Variants in CAMTA2 observed in about 807,000 individuals in gnomAD.
The protein encoded by CAMTA2 is calmodulin-binding transcription activator 2.
A neutral mutation model predicts 135.7 loss-of-function variants in CAMTA2; 56 were observed. The observed-to-expected ratio is 0.41, with a 90% CI of 0.33 to 0.52. CAMTA2 has a LOEUF of 0.52. CAMTA2 is among the 20% of genes least tolerant of loss of function. The probability of loss-of-function intolerance (pLI) is 0.16; values close to 1 mark genes in which losing one functional copy is unlikely to be tolerated. For missense variants in CAMTA2, 1,358 were observed against 1,553.4 expected (o/e 0.87, Z 2.11); for synonymous variants, 591 against 604.6 (o/e 0.98, Z 0.33).
chr17:4,979,893 C>A lies in CAMTA2; in HGVS notation c.1429G>T (p.Glu477Ter). 1.2e-6 allele frequency: 2 copies of A among 1,613,238 alleles called. No homozygotes were observed. Among genetic ancestry groups the A allele is most frequent in the Non-Finnish European group, 1.7e-6 (2 of 1,179,742 alleles). Residue 477 changes from glutamate (E) to a stop codon, truncating the protein, a stop_gained, in exon 9 of 23, where the codon GAG (glutamate) becomes TAG (stop). Transcript: ENST00000348066. LOFTEE classifies it high-confidence loss of function. ...PSPPPSPAPL[E>*]PSSRVGRGEA... is the part of the protein sequence containing the mutation. ...CCTCTTCCTACCCTGCTTGACGGCT[C>A]CAAGGGGGCAGGTGAGGGTGGGGGT...
rs533811188 is a variant in CAMTA2, at chr17:4,986,215, G to C, written c.8C>G (p.Thr3Ser). 2 of 1,606,490 alleles carry C rather than the reference G, an allele frequency of 1.2e-6. No homozygotes were observed. Among genetic ancestry groups the C allele is most frequent in the Admixed American group, 1.7e-5 (1 of 59,992 alleles). Residue 3 changes from threonine (T) to serine (S), a missense_variant, in exon 2 of 23, where the codon ACC becomes AGC. Transcript: ENST00000348066. ...ACCAGCAACCTCGGTGGTGTCCTTG[G>C]TATTCATGGTGAGGGCTCCAGGGGG... The part of the protein sequence containing the change: MN[T>S]KDTTEVAENS...
intron 22 of CAMTA2, 41 bp downstream of exon 22, chr17:4,968,866 G>A (rs754574318): frequency 1.2e-6 from 2 of 1,611,932 alleles, no homozygotes; most frequent in Admixed American, 1.7e-5. Flanking sequence ...GGATCACGAC[G>A]GGTGGCAACG....
At chr17:4,986,811 G>A (rs1973359270) in intron 1 of CAMTA2, 1 of 659,894 alleles carries the variant, frequency 1.5e-6, no homozygotes, top group Non-Finnish European at 2.7e-6. Flanking sequence ...CTCTCCTCCA[G>A]GTTGGTTAGG....
rs1280722759 is a variant in CAMTA2, at chr17:4,972,954, A to T, written c.2318T>A (p.Val773Glu). ...CTGTCGGTTCCAACGGAAAAGGAGC[A>T]CAGCAGCTTCCAGGTGTCCCAGGGC... ...ACALGHLEAAVLLFRWNRQAL... is the reference protein window; with the variant it reads ...ACALGHLEAAELLFRWNRQAL... The change falls in exon 15 of 23, where the codon GTG (valine) becomes GAG (glutamate). Residue 773 changes from valine (V) to glutamate (E), a missense_variant. Physicochemically the swap from Val to Glu is moderately radical, Grantham distance 121 (BLOSUM62 -2). This residue lies in a region of CAMTA2 where 1,077 missense variants were observed against 1,127.5 expected (regional missense o/e 0.96). Coordinates refer to ENST00000348066, the MANE Select transcript of CAMTA2 (RefSeq NM_015099.4). The T allele has an allele frequency of 6.2e-7, 1 of 1,613,548 alleles. No individual in the cohort carries two copies. Among genetic ancestry groups the T allele is most frequent in the East Asian group, 2.2e-5 (1 of 44,882 alleles).
intron 1 of CAMTA2, chr17:4,987,381 C>T: frequency 7.3e-7 from 1 of 1,366,960 alleles, no homozygotes; most frequent in South Asian, 1.7e-5. Flanking sequence ...GTGCGGGGGT[C>T]TCCGGGACAG....
At chr17:4,984,448 T>C (rs950673161) in intron 3 of CAMTA2, among the ~76,000 whole-genome samples, 1 of 152,202 alleles carries the variant, frequency 6.6e-6, no homozygotes, top group East Asian at 1.9e-4. Context: ...CACCTCTCCA[T>C]ATCTGGAAAT....
chr17:4,985,327 CG>C (rs1555563222), intron 3 of CAMTA2, among the ~76,000 whole-genome samples: 1 of 152,240 alleles, frequency 6.6e-6, no homozygotes, highest in Non-Finnish European at 1.5e-5. Flanking sequence ...ATGTTTAGCA[CG>C]GTGCCCAGTA....
chr17:4,978,705 T>TG, intron 9 of CAMTA2, 75 bp from the exon 10 acceptor site: 1 of 1,529,654 alleles, frequency 6.5e-7, no homozygotes, highest in Non-Finnish European at 8.9e-7. Flanking sequence ...ATTCAGACCC[T>TG]TACAGGGTAT....
chr17:4,975,062 A>G (rs1207750915), intron 11 of CAMTA2, among the ~76,000 whole-genome samples: 1 of 151,994 alleles, frequency 6.6e-6, no homozygotes, highest in Non-Finnish European at 1.5e-5. Context: ...AGCCATGTCC[A>G]TTTCTCCTCC....
At position 4,968,088 on chromosome 17, in the gene CAMTA2, C is replaced by A; in HGVS notation, c.*668G>T. On this transcript the variant is annotated 3_prime_UTR_variant, in exon 23 of 23. Transcript: ENST00000348066. ...GAGCCGGCAGGAGGCCCCCGCCGCG[C>A]TAGAGAACCACAAGCCCGGCCGTGC... 2.0e-6 allele frequency: 1 copy of A among 501,178 alleles called. No homozygotes were observed. The highest frequency in any genetic ancestry group is 3.6e-6 in the Non-Finnish European group (1 of 279,246). 31.0% of individuals were successfully genotyped at this position (501,178 alleles called of 1,614,324 possible).
intron 1 of CAMTA2, 172 bp downstream of exon 1, chr17:4,987,421 C>T: frequency 7.2e-7 from 1 of 1,385,076 alleles, no homozygotes. Context: ...CGCCGTGGGG[C>T]CCTGCGGTGA....
rs769094433 is a variant in CAMTA2, at chr17:4,981,665, C to G, written c.565+13G>C. 5.7e-6 allele frequency: 9 copies of G among 1,583,136 alleles called. No individual in the cohort carries two copies. In the South Asian group the frequency reaches 1.0e-4, roughly 18 times the overall value. ...TCTCCCCTTGGAGCTCTATCCCCAC[C>G]CTGCTGCCTTACACATGGGCTTCAG... On this transcript the variant is annotated intron_variant, in intron 7 of 22. Coordinates refer to ENST00000348066, the MANE Select transcript of CAMTA2 (RefSeq NM_015099.4).
chr17:4,971,879 G>A (rs898498561), intron 16 of CAMTA2, among the ~76,000 whole-genome samples: 1 of 151,930 alleles, frequency 6.6e-6, no homozygotes, highest in African/African-American at 2.4e-5. Context: ...TGTAGAGAGG[G>A]GGTTTCGCCA....
chr17:4,985,673 C>A (rs1973231751), intron 3 of CAMTA2, among the ~76,000 whole-genome samples: 2 of 152,194 alleles, frequency 1.3e-5, no homozygotes, highest in Admixed American at 6.5e-5. Context: ...ATCCACCCGC[C>A]TCAGCCTCCC....
Position 4,969,564 on chromosome 17 carries a change from G to T in CAMTA2, c.3262-44C>A, listed in dbSNP as rs192991495. 1.7e-3 allele frequency: 2,823 copies of T among 1,613,986 alleles called. 5 individuals carry two copies. Among genetic ancestry groups the T allele is most frequent in the South Asian group, 2.3e-3 (208 of 91,076 alleles). ...GAGTTAGGGCTCTGGCAACATTCTG[G>T]AATGGTTAGGCGTGGGTGTGGGTTG... On this transcript the variant is annotated intron_variant, in intron 19 of 22. Coordinates refer to ENST00000348066, the MANE Select transcript of CAMTA2 (RefSeq NM_015099.4). This position sits in a 1 kb window ranked among gnomAD's most constrained non-coding sequence, Gnocchi z 5.6.
At chr17:4,979,439 G>A (rs2151184432) in intron 9 of CAMTA2, 1 of 309,852 alleles carries the variant, frequency 3.2e-6, no homozygotes, top group South Asian at 7.0e-5. Context: ...GAACCCGGGA[G>A]GCGGAGGTTG....
chr17:4,976,936 G>GAAA, intron 11 of CAMTA2, 122 bp downstream of exon 11: 1 of 800,916 alleles, frequency 1.2e-6, no homozygotes, highest in Non-Finnish European at 1.8e-6. Context: ...AATAGGAATT[G>GAAA]AAAAAAAAAA....
In CAMTA2 at chr17:4,987,557, G is replaced by C. The variant is rs1332698878; in HGVS notation, c.-65+36C>G. ...TGGAGGAGCTGCGCCCTCTGGCGCG[G>C]GGGCGGAGAGGCGGGCGAGAGGCCC... On this transcript the variant is annotated intron_variant, in intron 1 of 22. Coordinates refer to ENST00000348066, the MANE Select transcript of CAMTA2 (RefSeq NM_015099.4). 3.5e-5 allele frequency: 53 copies of C among 1,507,554 alleles called. 1 individual carries two copies. The East Asian group carries it at 1.3e-3, about 38-fold the overall frequency. 93.4% of individuals were successfully genotyped at this position (1,507,554 alleles called of 1,614,324 possible). A position where few individuals can be genotyped will look rare whatever the true frequency, so the allele number is the denominator to read the frequency against.
chr17:4,986,658 G>C (rs921209568), intron 1 of CAMTA2, among the ~76,000 whole-genome samples: 6 of 152,144 alleles, frequency 3.9e-5, no homozygotes, highest in Admixed American at 1.3e-4. Flanking sequence ...GGATGGTTTG[G>C]CAAGAGAGCC....
Sources: gnomAD v4.1 joint callset for allele counts (sites outside exome capture counted in the v4.1 genomes callset) on GRCh38, gnomAD v4.1.1 for gene constraint, gnomAD v4.1.1 regional missense constraint, Gnocchi (gnomAD v3.1) non-coding constraint, MANE v1.5 for transcripts, NCBI Gene and HGNC (gene_info 2026-07-23, HGNC 2026-07-21) for gene names.